Variants in CGGBP1 observed in about 807,000 individuals in gnomAD.
CGGBP1 encodes CGG triplet repeat binding protein 1, also known as CGG triplet repeat-binding protein 1.
In CGGBP1, 4 loss-of-function variants were observed where a neutral mutation model predicts 11.4. The observed-to-expected ratio is 0.35, with a 90% CI of 0.17 to 0.80. CGGBP1 has a LOEUF of 0.80. CGGBP1 is among the 30% of genes least tolerant of loss of function. The pLI, the probability that CGGBP1 is intolerant of heterozygous loss-of-function variation, is 0.52. For synonymous variants in CGGBP1, 76 were observed against 74.1 expected, an observed-to-expected ratio of 1.03 and a Z score of -0.13; for missense variants, 135 against 202.1, an observed-to-expected ratio of 0.67 and a Z score of 2.01.
At chr3:88,072,477 C>T (rs1326399215) in intron 2 of CGGBP1, among the ~76,000 whole-genome samples, 1 of 152,164 alleles carries the variant, frequency 6.6e-6, no homozygotes, top group Non-Finnish European at 1.5e-5. Context: ...ATACACTCAC[C>T]AACACTAGTG....
chr3:88,116,253 G>A (rs1705383514), intron 2 of CGGBP1, among the ~76,000 whole-genome samples: 1 of 152,052 alleles, frequency 6.6e-6, no homozygotes, highest in African/African-American at 2.4e-5. Context: ...AGGCATAGTG[G>A]TTCACCCCTG....
Position 88,052,114 on chromosome 3 carries a change from C to T in CGGBP1, c.*3359G>A, listed in dbSNP as rs1706441663. The T allele has an allele frequency of 6.6e-6, 1 of 152,512 alleles. No homozygotes were observed. The highest frequency in any genetic ancestry group is 2.1e-4 in the South Asian group (1 of 4,826). The allele number at this position is 152,512 out of a possible 1,614,324, so 9.4% of individuals were successfully genotyped here. ...TACATGCGTGAGCAAAAAAAATAAG[C>T]ACAGAATACAAAAATGAAATAGTAA... On this transcript the variant is annotated 3_prime_UTR_variant, in exon 4 of 4. Transcript: ENST00000482016.
intron 2 of CGGBP1, chr3:88,138,666 GAA>G (rs936754036): frequency 8.4e-7 from 1 of 1,190,912 alleles, no homozygotes; most frequent in Admixed American, 4.2e-5. Flanking sequence ...CATTTTTTTG[GAA>G]AAAAAGTATT....
At chr3:88,143,174 A>G (rs1031814245) in intron 1 of CGGBP1, 4 of 152,296 alleles carry the variant, frequency 2.6e-5, no homozygotes, top group African/African-American at 9.7e-5. Context: ...TCTTCCAGGT[A>G]GCATCCATAT....
At chr3:88,102,802 C>G (rs2107723877) in intron 2 of CGGBP1, among the ~76,000 whole-genome samples, 1 of 144,804 alleles carries the variant, frequency 6.9e-6, no homozygotes, top group Non-Finnish European at 1.5e-5. Context: ...TGCTGTTTAC[C>G]TCAACCTCTA....
intron 2 of CGGBP1, among the ~76,000 whole-genome samples, chr3:88,110,826 A>G (rs775109698): frequency 7.2e-5 from 11 of 152,140 alleles, no homozygotes; most frequent in African/African-American, 1.4e-4. Context: ...ACTTTTCTTC[A>G]TAAATACTTG....
At chr3:88,061,351 AGTT>A (rs1408552501), upstream of CGGBP1, among the ~76,000 whole-genome samples, 1 of 152,210 alleles carries the variant, frequency 6.6e-6, no homozygotes, top group African/African-American at 2.4e-5. Flanking sequence ...CAACAAATGA[AGTT>A]GACTACTTTA....
chr3:88,092,999 T>G (rs1576256183), intron 2 of CGGBP1, among the ~76,000 whole-genome samples: 4 of 152,212 alleles, frequency 2.6e-5, no homozygotes, highest in Admixed American at 6.5e-5. Flanking sequence ...ATGTAGTGAA[T>G]TGTCTTAAAT....
chr3:88,110,931 A>G (rs1257227705), intron 2 of CGGBP1, among the ~76,000 whole-genome samples: 1 of 151,956 alleles, frequency 6.6e-6, no homozygotes, highest in African/African-American at 2.4e-5. Context: ...TTTTAATATC[A>G]TTATCATGGA....
chr3:88,139,317 T>C (rs1407795259), intron 2 of CGGBP1: 1 of 1,601,280 alleles, frequency 6.2e-7, no homozygotes, highest in Non-Finnish European at 8.5e-7. Flanking sequence ...TTGTATGTTA[T>C]GTAACAAGGA....
intron 2 of CGGBP1, among the ~76,000 whole-genome samples, chr3:88,105,286 C>CT (rs11334104): frequency 6.6e-6 from 1 of 151,980 alleles, no homozygotes; most frequent in African/African-American, 2.4e-5. Flanking sequence ...TTCCACCCTG[C>CT]TTTTTTTTAC....
At chr3:88,104,441 A>G (rs569103543) in intron 2 of CGGBP1, among the ~76,000 whole-genome samples, 1 of 152,280 alleles carries the variant, frequency 6.6e-6, no homozygotes, top group East Asian at 1.9e-4. Context: ...ACATAAATTA[A>G]TGGATAGCGT....
intron 2 of CGGBP1, among the ~76,000 whole-genome samples, chr3:88,092,322 A>G (rs1703790082): frequency 6.6e-6 from 1 of 152,244 alleles, no homozygotes; most frequent in Non-Finnish European, 1.5e-5. Context: ...TATAAGATAG[A>G]TAAATTCTTG....
At chr3:88,072,514 C>T (rs1156724263) in intron 2 of CGGBP1, among the ~76,000 whole-genome samples, 2 of 152,096 alleles carry the variant, frequency 1.3e-5, no homozygotes, top group Non-Finnish European at 2.9e-5. Flanking sequence ...TACATATCTG[C>T]TTCTTGGCTT....
intron 2 of CGGBP1, among the ~76,000 whole-genome samples, chr3:88,132,886 A>G (rs1706549168): frequency 6.6e-6 from 1 of 152,222 alleles, no homozygotes; most frequent in African/African-American, 2.4e-5. Context: ...TGCAAGTGAT[A>G]GCATCTGTGC....
intron 2 of CGGBP1, among the ~76,000 whole-genome samples, chr3:88,115,834 T>C (rs1423654864): frequency 6.6e-6 from 1 of 152,094 alleles, no homozygotes; most frequent in African/African-American, 2.4e-5. Flanking sequence ...GTTTTCGAGA[T>C]TCCCAATGAA....
exon 1 of CGGBP1, chr3:88,149,822 A>C (rs1707376766): frequency 1.8e-6 from 1 of 547,196 alleles, no homozygotes; most frequent in South Asian, 2.0e-5. Context: ...CACTTCCCTT[A>C]ATTGAGATAC....
At chr3:88,105,226 A>G (rs542914628) in intron 2 of CGGBP1, among the ~76,000 whole-genome samples, 1 of 152,326 alleles carries the variant, frequency 6.6e-6, no homozygotes, top group Admixed American at 6.5e-5. Context: ...AGGTCCAACT[A>G]ACAAATAACA....
intron 2 of CGGBP1, chr3:88,113,069 G>A (rs902378611): frequency 4.6e-6 from 6 of 1,290,418 alleles, no homozygotes; most frequent in African/African-American, 4.5e-5. Context: ...TTTAATTGGA[G>A]CAAAACTCAA....
Sources: gnomAD v4.1 joint callset for allele counts (sites outside exome capture counted in the v4.1 genomes callset) on GRCh38, gnomAD v4.1.1 for gene constraint, MANE v1.5 for transcripts, NCBI Gene and HGNC (gene_info 2026-07-23, HGNC 2026-07-21) for gene names.